Variants in GALNTL6 observed in about 807,000 individuals in gnomAD.
GALNTL6 encodes polypeptide N-acetylgalactosaminyltransferase-like 6.
GALNTL6 carries 46 observed loss-of-function variants against 73.7 expected under a neutral mutation model. The observed-to-expected ratio is 0.62, with a 90% CI of 0.49 to 0.80. The LOEUF (loss-of-function observed/expected upper bound fraction) is 0.80, where lower values mean the gene tolerates loss of function less well. Among genes scored for constraint, GALNTL6 ranks in the 30% least tolerant of loss-of-function variants. The pLI, the probability that GALNTL6 is intolerant of heterozygous loss-of-function variation, is 0.00. For missense variants in GALNTL6, 604 were observed against 755.0 expected (o/e 0.80, Z 2.34); for synonymous variants, 259 against 263.7 (o/e 0.98, Z 0.17).
At chr4:172,055,841 G>A (rs1731005156) in intron 2 of GALNTL6, among the ~76,000 whole-genome samples, 1 of 152,054 alleles carries the variant, frequency 6.6e-6, no homozygotes, top group Admixed American at 6.6e-5. Context: ...TTCACAGAAG[G>A]GATCTAAAAT....
At chr4:171,948,967 AC>A (rs1738785088) in intron 2 of GALNTL6, among the ~76,000 whole-genome samples, 1 of 123,306 alleles carries the variant, frequency 8.1e-6, no homozygotes, top group African/African-American at 4.4e-5. Context: ...ATATATACAC[AC>A]ACACACACAC....
intron 5 of GALNTL6, among the ~76,000 whole-genome samples, chr4:172,460,910 G>T (rs190518325): frequency 9.2e-5 from 14 of 152,104 alleles, no homozygotes; most frequent in Non-Finnish European, 1.5e-4. Context: ...ATAAAGATAC[G>T]TACACGTGTA....
intron 2 of GALNTL6, among the ~76,000 whole-genome samples, chr4:171,953,225 C>CGTGT (rs36214606): frequency 0.1 from 14,795 of 146,980 alleles, 760 homozygotes; most frequent in East Asian, 0.15. Flanking sequence ...CGCATGCGCA[C>CGTGT]GTGTGTGTGT....
At chr4:172,791,023 T>C (rs1169994537) in intron 5 of GALNTL6, among the ~76,000 whole-genome samples, 1 of 152,078 alleles carries the variant, frequency 6.6e-6, no homozygotes, top group African/African-American at 2.4e-5. Context: ...TCCTCAATAC[T>C]GGTCCAGATA....
At chr4:172,537,816 C>A (rs190548084) in intron 5 of GALNTL6, among the ~76,000 whole-genome samples, 1 of 152,140 alleles carries the variant, frequency 6.6e-6, no homozygotes, top group East Asian at 1.9e-4. Flanking sequence ...CTAGTGAAAC[C>A]AAGATAACAG....
intron 5 of GALNTL6, among the ~76,000 whole-genome samples, chr4:172,357,615 G>GTATA (rs1413374841): frequency 1.8e-5 from 2 of 113,272 alleles, no homozygotes. Flanking sequence ...GAGAATATAT[G>GTATA]TATATATATA....
intron 3 of GALNTL6, among the ~76,000 whole-genome samples, chr4:172,254,726 T>A (rs891880678): frequency 1.3e-5 from 2 of 151,734 alleles, no homozygotes; most frequent in African/African-American, 4.8e-5. Context: ...GTGTACTGGT[T>A]TTTAGTTCCA....
In GALNTL6 at chr4:172,486,760, A is replaced by G. The variant is rs149075141; in HGVS notation, c.553+138071A>G. On this transcript the variant is annotated intron_variant, in intron 5 of 12. Coordinates refer to ENST00000506823, the MANE Select transcript of GALNTL6 (RefSeq NM_001034845.3). ...ATAGCCTTCTGCTTTCCTGTTGAGA[A>G]CCTGCTGAAATGCTCTTATGCATAA... Among the ~76,000 whole-genome samples the G allele has an allele frequency of 1.8e-4, 28 of 152,300 alleles. No homozygotes were observed. The East Asian group carries it at 5.2e-3, about 28-fold the overall frequency.
At chr4:173,029,814 G>T (rs1753382993) in intron 12 of GALNTL6, among the ~76,000 whole-genome samples, 1 of 152,006 alleles carries the variant, frequency 6.6e-6, no homozygotes, top group African/African-American at 2.4e-5. Flanking sequence ...TCCCAACCTG[G>T]ATTTAAACAT....
In GALNTL6 at chr4:171,843,234, G is replaced by T. The variant is rs754403701; in HGVS notation, c.138+28516G>T. ...TTTATGATACTACAATGAATATTCT[G>T]TTTAAAAGATCATTTATGTCCCTAA... On this transcript the variant is annotated intron_variant, in intron 2 of 12. Coordinates refer to ENST00000506823, the MANE Select transcript of GALNTL6 (RefSeq NM_001034845.3). 2.4e-4 allele frequency among the ~76,000 whole-genome samples: 37 copies of T among 152,152 alleles called. 1 individual carries two copies. The highest frequency in any genetic ancestry group is 4.6e-4 in the Non-Finnish European group (31 of 67,992).
At chr4:172,027,828 A>T (rs528380887) in intron 2 of GALNTL6, among the ~76,000 whole-genome samples, 3 of 152,288 alleles carry the variant, frequency 2.0e-5, no homozygotes, top group Non-Finnish European at 2.9e-5. Context: ...CTTTATTGCT[A>T]ATATGAAGAA....
chr4:172,273,856 T>C (rs1738741356), intron 3 of GALNTL6, among the ~76,000 whole-genome samples: 1 of 152,102 alleles, frequency 6.6e-6, no homozygotes, highest in Non-Finnish European at 1.5e-5. Flanking sequence ...AAGGCATTGG[T>C]GACCTTTCAG....
At chr4:171,904,831 G>A (rs1578957864) in intron 2 of GALNTL6, among the ~76,000 whole-genome samples, 2 of 152,210 alleles carry the variant, frequency 1.3e-5, no homozygotes, top group East Asian at 1.9e-4. Flanking sequence ...GAGAGTGGGG[G>A]CCAATATTCA....
chr4:172,866,836 T>C (rs759903741), intron 7 of GALNTL6, among the ~76,000 whole-genome samples: 14 of 152,184 alleles, frequency 9.2e-5, no homozygotes, highest in Non-Finnish European at 1.5e-4. Flanking sequence ...CCCACATTCC[T>C]GTCTGTAGTA....
At chr4:172,469,925 A>G (rs1317258838) in intron 5 of GALNTL6, among the ~76,000 whole-genome samples, 1 of 152,226 alleles carries the variant, frequency 6.6e-6, no homozygotes, top group Non-Finnish European at 1.5e-5. Flanking sequence ...AGCTGGATTT[A>G]CTACTATTGT....
intron 2 of GALNTL6, among the ~76,000 whole-genome samples, chr4:171,899,998 C>A (rs1187047997): frequency 6.6e-6 from 1 of 152,024 alleles, no homozygotes; most frequent in Non-Finnish European, 1.5e-5. Context: ...TCATTTTATT[C>A]TTTGACTTCT....
At chr4:171,842,962 T>C (rs1331424583) in intron 2 of GALNTL6, among the ~76,000 whole-genome samples, 2 of 152,106 alleles carry the variant, frequency 1.3e-5, no homozygotes, top group Admixed American at 6.6e-5. Flanking sequence ...TCAATATATC[T>C]GCAATTATAT....
At chr4:172,841,541 A>G (rs377524133) in intron 7 of GALNTL6, among the ~76,000 whole-genome samples, 1 of 152,198 alleles carries the variant, frequency 6.6e-6, no homozygotes, top group East Asian at 1.9e-4. Flanking sequence ...AAGAAGTTTA[A>G]TTGACTAACT....
intron 5 of GALNTL6, among the ~76,000 whole-genome samples, chr4:172,647,572 T>G (rs1374768798): frequency 6.6e-6 from 1 of 152,044 alleles, no homozygotes; most frequent in Non-Finnish European, 1.5e-5. Flanking sequence ...GCATTCCTCA[T>G]ATTTTACAGA....
Sources: gnomAD v4.1 joint callset for allele counts (sites outside exome capture counted in the v4.1 genomes callset) on GRCh38, gnomAD v4.1.1 for gene constraint, MANE v1.5 for transcripts, NCBI Gene and HGNC (gene_info 2026-07-23, HGNC 2026-07-21) for gene names.